The following HYDIN variants were observed in gnomAD, a reference collection of about 807,000 sequenced individuals.
HYDIN encodes HYDIN axonemal central pair apparatus protein.
In HYDIN, 132 loss-of-function variants were observed where a neutral mutation model predicts 403.9. That is an observed-to-expected ratio of 0.33 (90% confidence interval 0.28 to 0.38). HYDIN has a LOEUF of 0.38. HYDIN is among the 10% of genes least tolerant of loss of function. The pLI is 1.00. For missense variants in HYDIN, 2,827 were observed against 5,009.5 expected (o/e 0.56, Z 13.15); for synonymous variants, 1,202 against 1,891.7 (o/e 0.64, Z 9.46).
At chr16:71,025,965 A>G (rs1247405493) in intron 20 of HYDIN, among the ~76,000 whole-genome samples, 1 of 150,856 alleles carries the variant, frequency 6.6e-6, no homozygotes, top group Admixed American at 6.6e-5. Flanking sequence ...CAATGGTGCA[A>G]TCTCAGCTCA....
chr16:70,841,345 A>C (rs572296205), intron 75 of HYDIN, among the ~76,000 whole-genome samples: 1 of 152,226 alleles, frequency 6.6e-6, no homozygotes, highest in African/African-American at 2.4e-5. Context: ...TGTTTGCTCT[A>C]AGAAATGTAA....
chr16:71,108,445 C>G (rs111475057), intron 10 of HYDIN, among the ~76,000 whole-genome samples: 5 of 151,832 alleles, frequency 3.3e-5, no homozygotes, highest in Non-Finnish European at 5.9e-5. Context: ...CACACTGAGG[C>G]TTCTAGGGGC....
In HYDIN at chr16:70,879,588, G is replaced by A; in HGVS notation, c.10367+17C>T. The A allele has an allele frequency of 6.2e-7, 1 of 1,613,288 alleles. No individual in the cohort carries two copies. The highest frequency in any genetic ancestry group is 8.5e-7 in the Non-Finnish European group (1 of 1,179,864). ...GTCCTGCTGCAGGAGAGGGAGCTGG[G>A]AGCTGGGAGTTGGTACCTGGGCAAG... On this transcript the variant is annotated intron_variant, in intron 61 of 85. Transcript: ENST00000393567.
chr16:70,993,260 C>T (rs1207060936), intron 23 of HYDIN, among the ~76,000 whole-genome samples: 3 of 152,198 alleles, frequency 2.0e-5, no homozygotes, highest in Non-Finnish European at 4.4e-5. Context: ...ATCCCACTAC[C>T]ATCTTCGTGA....
rs772936883 is a variant in HYDIN, at chr16:70,874,874, C to G, written c.10603G>C (p.Gly3535Arg). The change falls in exon 63 of 86, where the codon GGG (glycine) becomes CGG (arginine). Residue 3535 changes from glycine to arginine, a missense_variant. Gly to Arg is a moderately radical substitution (Grantham distance 125). Coordinates refer to ENST00000393567, the MANE Select transcript of HYDIN (RefSeq NM_001270974.2). ...TAGATATACGCGGTGGTGGGCCTCC[C>G]TTTCAGGGAGAAGACTCCTAGCTCA... ...QDELGVFSLK[G>R]RPTTAYIYIT... 1 of 1,612,564 alleles carries G rather than the reference C, an allele frequency of 6.2e-7. No homozygotes were observed. Among genetic ancestry groups the G allele is most frequent in the Admixed American group, 1.7e-5 (1 of 59,912 alleles).
At chr16:71,193,791 C>G (rs2087556317) in intron 1 of HYDIN, among the ~76,000 whole-genome samples, 1 of 152,176 alleles carries the variant, frequency 6.6e-6, no homozygotes. Context: ...ACCCCCATCT[C>G]TATCATCTCT....
intron 77 of HYDIN, among the ~76,000 whole-genome samples, chr16:70,836,808 T>C (rs989956996): frequency 6.6e-6 from 1 of 152,224 alleles, no homozygotes; most frequent in South Asian, 2.1e-4. Context: ...TGTAAGTCAC[T>C]TGTGCATCTT....
chr16:70,847,809 A>G (rs1464782059), intron 75 of HYDIN, among the ~76,000 whole-genome samples: 1 of 152,060 alleles, frequency 6.6e-6, no homozygotes, highest in East Asian at 1.9e-4. Flanking sequence ...CTTTCTGGAT[A>G]TTTAATTGTT....
intron 75 of HYDIN, among the ~76,000 whole-genome samples, chr16:70,848,360 T>C (rs2089188): frequency 0.025 from 3,787 of 152,238 alleles, 145 homozygotes; most frequent in African/African-American, 0.085. Flanking sequence ...CATTGCTTTT[T>C]TCCCCATATA....
intron 21 of HYDIN, among the ~76,000 whole-genome samples, chr16:71,022,971 A>G (rs2144131715): frequency 6.6e-6 from 1 of 151,870 alleles, no homozygotes; most frequent in South Asian, 2.1e-4. Flanking sequence ...TTATGGGCTT[A>G]GAGAAATCTA....
chr16:71,203,530 C>T (rs1472551222), intron 1 of HYDIN, among the ~76,000 whole-genome samples: 2 of 152,148 alleles, frequency 1.3e-5, no homozygotes, highest in African/African-American at 4.8e-5. Context: ...TAAGCTTATA[C>T]TTTTTGTACC....
At chr16:71,179,072 GT>G in intron 3 of HYDIN, 25 bp from the exon 4 acceptor site, 1 of 1,595,814 alleles carries the variant, frequency 6.3e-7, no homozygotes, top group Non-Finnish European at 8.6e-7. Flanking sequence ...GTAAATTATT[GT>G]TATAGTCACA....
intron 45 of HYDIN, among the ~76,000 whole-genome samples, chr16:70,923,770 G>C (rs57000488): frequency 6.8e-6 from 1 of 147,756 alleles, no homozygotes; most frequent in Non-Finnish European, 1.5e-5. Context: ...GCAGTGAGCC[G>C]AGATCATGCC....
chr16:71,044,009 A>AAAGC (rs1232564580), intron 18 of HYDIN, among the ~76,000 whole-genome samples: 3 of 151,986 alleles, frequency 2.0e-5, no homozygotes, highest in East Asian at 1.9e-4. Context: ...AGAAAGAAAG[A>AAAGC]AAGCAAGCAA....
Position 71,096,919 on chromosome 16 carries a change from A to G in HYDIN, c.1328-2984T>C, listed in dbSNP as rs1233456895. 1.4e-4 allele frequency among the ~76,000 whole-genome samples: 14 copies of G among 103,592 alleles called. 3 individuals are homozygous for G. Among genetic ancestry groups the G allele is most frequent in the Non-Finnish European group, 1.7e-5 (1 of 58,348 alleles). 68.0% of individuals were successfully genotyped at this position (103,592 alleles called of 152,430 possible). ...GGCTTCTAGCTGGCGACTGGGGGGC[A>G]TTAGTAATCCCAGACAACCTAATTT... On this transcript the variant is annotated intron_variant, in intron 10 of 85. Coordinates refer to ENST00000393567, the MANE Select transcript of HYDIN (RefSeq NM_001270974.2).
At chr16:71,015,580 C>T (rs1020130321) in intron 23 of HYDIN, among the ~76,000 whole-genome samples, 1 of 151,516 alleles carries the variant, frequency 6.6e-6, no homozygotes, top group African/African-American at 2.4e-5. Flanking sequence ...CCCAAACAGT[C>T]CCTGGCACTT....
intron 8 of HYDIN, among the ~76,000 whole-genome samples, chr16:71,136,489 G>A (rs1475972656): frequency 6.6e-6 from 1 of 151,612 alleles, no homozygotes; most frequent in Non-Finnish European, 1.5e-5. Flanking sequence ...ACCTGGCCGG[G>A]CATGGTGGCT....
chr16:70,823,743 C>A (rs573904595), intron 83 of HYDIN, among the ~76,000 whole-genome samples: 1 of 151,588 alleles, frequency 6.6e-6, no homozygotes, highest in Admixed American at 6.6e-5. Context: ...GTGAAGGGAA[C>A]GCTCATGCTG....
At chr16:70,942,569 G>C (rs2077715350) in intron 42 of HYDIN, among the ~76,000 whole-genome samples, 1 of 152,262 alleles carries the variant, frequency 6.6e-6, no homozygotes, top group Non-Finnish European at 1.5e-5. Context: ...TTGAAGAACA[G>C]CCTCTGCCTT....
Sources: allele counts gnomAD v4.1 joint callset (sites outside exome capture counted in the v4.1 genomes callset), GRCh38; gene constraint gnomAD v4.1.1; transcripts MANE v1.5; gene names NCBI Gene and HGNC (gene_info 2026-07-23, HGNC 2026-07-21).